The following ADARB2 variants were observed in gnomAD, a reference collection of about 807,000 sequenced individuals.
ADARB2 encodes adenosine deaminase RNA specific B2 (inactive).
Under a neutral mutation model 62.2 loss-of-function variants are expected in ADARB2, and 25 were observed. That is an observed-to-expected ratio of 0.40 (90% CI 0.29 to 0.56). ADARB2 has a LOEUF of 0.56. Ranked by LOEUF, ADARB2 falls within the 20% of genes least tolerant of loss-of-function variation. The pLI, the probability that ADARB2 is intolerant of heterozygous loss-of-function variation, is 0.43. For synonymous variants in ADARB2, 572 were observed against 500.8 expected (o/e 1.14, Z -1.90); for missense variants, 1,071 against 1,077.4 (o/e 0.99, Z 0.08).
chr10:1,465,867 G>A (rs145665905), intron 1 of ADARB2, among the ~76,000 whole-genome samples: 218 of 152,318 alleles, frequency 1.4e-3, no homozygotes, highest in African/African-American at 4.8e-3. Flanking sequence ...TCCATCAGCC[G>A]CGCTGACTCG....
intron 1 of ADARB2, among the ~76,000 whole-genome samples, chr10:1,635,966 T>C (rs1036969399): frequency 6.6e-6 from 1 of 151,548 alleles, no homozygotes; most frequent in African/African-American, 2.4e-5. Flanking sequence ...CGAAGAGACA[T>C]AAACCACGGC....
intron 1 of ADARB2, among the ~76,000 whole-genome samples, chr10:1,543,049 T>C (rs544481325): frequency 6.6e-6 from 1 of 152,368 alleles, no homozygotes; most frequent in South Asian, 2.1e-4. Context: ...GCTTCAGGCC[T>C]GTTACAGCGA....
rs556717824 is a variant in ADARB2 at position 1,226,347 on chromosome 10, G to C, written c.1513+7347C>G. Among the ~76,000 whole-genome samples the C allele has an allele frequency of 2.2e-4, 34 of 152,168 alleles. 1 individual carries two copies. Among genetic ancestry groups the C allele is most frequent in the Admixed American group, 2.2e-3 (33 of 15,282 alleles). On this transcript the variant is annotated intron_variant, in intron 6 of 9. Coordinates refer to ENST00000381312, the MANE Select transcript of ADARB2 (RefSeq NM_018702.4). Reference sequence around the variant, plus strand: ...CAAAACTTTTAACTTCTTTGCCATTGGTTCGAATTTCCTCCTGTAGCTCAG... The same window carrying C: ...CAAAACTTTTAACTTCTTTGCCATTCGTTCGAATTTCCTCCTGTAGCTCAG...
rs1836619599 is a variant in ADARB2, at chr10:1,178,509, C to G, written c.*4684G>C. 6.6e-6 allele frequency: 1 copy of G among 152,310 alleles called. No individual in the cohort carries two copies. The highest frequency in any genetic ancestry group is 2.1e-4 in the South Asian group (1 of 4,830). The allele number at this position is 152,310 out of a possible 1,614,324, so 9.4% of individuals were successfully genotyped here. A position where few individuals can be genotyped will look rare whatever the true frequency, so the allele number is the denominator to read the frequency against. ...ACGGGTCACCAGCAGCCCAGTGTTTCCAGAAACAGCCCTGCTCCTGCAGTG... is the reference window on the plus strand; with the variant it reads ...ACGGGTCACCAGCAGCCCAGTGTTTGCAGAAACAGCCCTGCTCCTGCAGTG... On this transcript the variant is annotated 3_prime_UTR_variant, in exon 10 of 10. Transcript: ENST00000381312.
intron 1 of ADARB2, among the ~76,000 whole-genome samples, chr10:1,501,196 T>C (rs1831764324): frequency 6.6e-6 from 1 of 152,146 alleles, no homozygotes. Flanking sequence ...TTTAAAGAAG[T>C]GATGGGTAGT....
At chr10:1,648,256 A>G (rs1834070181) in intron 1 of ADARB2, among the ~76,000 whole-genome samples, 1 of 152,150 alleles carries the variant, frequency 6.6e-6, no homozygotes, top group South Asian at 2.1e-4. Flanking sequence ...TTCATCTTCC[A>G]TAGTAACAGT....
chr10:1,569,813 G>T (rs1241059187), intron 1 of ADARB2, among the ~76,000 whole-genome samples: 3 of 151,766 alleles, frequency 2.0e-5, no homozygotes, highest in Non-Finnish European at 4.4e-5. Context: ...TTATGCTCAA[G>T]ACTTTCTTAT....
intron 4 of ADARB2, among the ~76,000 whole-genome samples, chr10:1,243,727 G>A (rs1830950030): frequency 6.6e-6 from 1 of 152,246 alleles, no homozygotes; most frequent in Admixed American, 6.5e-5. Context: ...TGGCTCTGCA[G>A]CTGGGGTCTG....
chr10:1,629,589 C>G (rs544063106), intron 1 of ADARB2, among the ~76,000 whole-genome samples: 1 of 140,330 alleles, frequency 7.1e-6, no homozygotes, highest in Admixed American at 7.1e-5. Flanking sequence ...CCCCTCAGGT[C>G]GTCACAAAGG....
At chr10:1,229,718 ATG>A (rs375071480) in intron 6 of ADARB2, among the ~76,000 whole-genome samples, 6,434 of 60,190 alleles carry the variant, frequency 0.11, 476 homozygotes, top group African/African-American at 0.25. Flanking sequence ...ATGCGTGTTC[ATG>A]TGTGCACTTG....
At chr10:1,498,190 A>G (rs1007088037) in intron 1 of ADARB2, among the ~76,000 whole-genome samples, 2 of 152,038 alleles carry the variant, frequency 1.3e-5, no homozygotes, top group Non-Finnish European at 2.9e-5. Flanking sequence ...CCTGGCCAAC[A>G]TGGTGAAACC....
At chr10:1,327,401 GCGCCTCCC>G (rs1831875683) in intron 3 of ADARB2, among the ~76,000 whole-genome samples, 3 of 88,706 alleles carry the variant, frequency 3.4e-5, no homozygotes, top group African/African-American at 9.9e-5. Flanking sequence ...CCACTGCACA[GCGCCTCCC>G]CACTGCCCAG....
intron 3 of ADARB2, among the ~76,000 whole-genome samples, chr10:1,300,822 C>T (rs11599315): frequency 0.6 from 90,809 of 152,132 alleles, 28,696 homozygotes; most frequent in East Asian, 0.93. Context: ...GATATTACAA[C>T]CCCACTTGTT....
intron 7 of ADARB2, among the ~76,000 whole-genome samples, chr10:1,207,171 AC>A (rs1454840799): frequency 1.3e-5 from 2 of 151,824 alleles, no homozygotes; most frequent in African/African-American, 4.8e-5. Flanking sequence ...ACGTGGCGAA[AC>A]CCTGTCTCTA....
intron 1 of ADARB2, among the ~76,000 whole-genome samples, chr10:1,565,283 G>A (rs1832845772): frequency 6.6e-6 from 1 of 152,092 alleles, no homozygotes; most frequent in Non-Finnish European, 1.5e-5. Context: ...CTCTTATTGT[G>A]TCTTTTTCTG....
chr10:1,362,595 G>C (rs1452332466), intron 3 of ADARB2, among the ~76,000 whole-genome samples: 1 of 152,206 alleles, frequency 6.6e-6, no homozygotes, highest in Non-Finnish European at 1.5e-5. Context: ...CCTTGGACCA[G>C]GGACCCCGTC....
At chr10:1,214,122 GCGTCATGTAGGTTTGCACCTGTGTCCA>G (rs1399466604) in intron 7 of ADARB2, among the ~76,000 whole-genome samples, 2 of 114,318 alleles carry the variant, frequency 1.7e-5, no homozygotes, top group African/African-American at 6.3e-5. Context: ...CCTGTGTCCA[GCGTCATGTAGGTTTGCACCTGTGTCCA>G]GCGTAGTGTA....
Position 1,600,661 on chromosome 10 carries a change from C to CAAAAA in ADARB2, c.100+136385_100+136389dup, listed in dbSNP as rs71379153. ...TGGGCAACAGAGTGAGACTCTGTCT[C>CAAAAA]AAAAAAAAAAAAAAAAAAAAAAAGA... is the stretch of plus-strand genomic sequence containing the variant. On this transcript the variant is annotated intron_variant, in intron 1 of 9. Coordinates refer to ENST00000381312, the MANE Select transcript of ADARB2 (RefSeq NM_018702.4). Among the ~76,000 whole-genome samples, 79 of 70,632 alleles carry CAAAAA rather than the reference C, an allele frequency of 1.1e-3. 4 individuals carry two copies. Among genetic ancestry groups the CAAAAA allele is most frequent in the African/African-American group, 3.8e-3 (63 of 16,756 alleles). 46.3% of individuals were successfully genotyped at this position (70,632 alleles called of 152,430 possible).
At chr10:1,601,415 G>A (rs1833411429) in intron 1 of ADARB2, among the ~76,000 whole-genome samples, 1 of 152,182 alleles carries the variant, frequency 6.6e-6, no homozygotes, top group Non-Finnish European at 1.5e-5. Flanking sequence ...GGTTTCCTGT[G>A]CCCTGAAGGA....
Sources: gnomAD v4.1 joint callset for allele counts (sites outside exome capture counted in the v4.1 genomes callset) on GRCh38, gnomAD v4.1.1 for gene constraint, MANE v1.5 for transcripts, NCBI Gene and HGNC (gene_info 2026-07-23, HGNC 2026-07-21) for gene names.